The following RAPGEF6 variants were observed in gnomAD, a reference collection of about 807,000 sequenced individuals.
RAPGEF6 encodes the protein Rap guanine nucleotide exchange factor 6.
In RAPGEF6, 56 loss-of-function variants were observed where a neutral mutation model predicts 171.4. That is an observed-to-expected ratio of 0.33 (90% confidence interval 0.26 to 0.41). RAPGEF6 has a LOEUF of 0.41. Among genes scored for constraint, RAPGEF6 ranks in the 10% least tolerant of loss-of-function variants. The pLI is 1.00. For missense variants in RAPGEF6, 1,674 were observed against 1,921.4 expected, an observed-to-expected ratio of 0.87 and a Z score of 2.41; for synonymous variants, 692 against 650.1, an observed-to-expected ratio of 1.06 and a Z score of -0.98.
intron 24 of RAPGEF6, 76 bp downstream of exon 24, chr5:131,439,505 T>A (rs1164486902): frequency 6.7e-7 from 1 of 1,485,344 alleles, no homozygotes; most frequent in Non-Finnish European, 8.9e-7. Context: ...ATTATTGCTA[T>A]AGATTGAAAA....
intron 22 of RAPGEF6, 100 bp from the exon 23 acceptor site, chr5:131,442,637 C>T: frequency 6.8e-7 from 1 of 1,468,886 alleles, no homozygotes; most frequent in Non-Finnish European, 9.0e-7. Flanking sequence ...CTATTTTTAG[C>T]ACAAAAGATA....
intron 1 of RAPGEF6, among the ~76,000 whole-genome samples, chr5:131,614,277 G>C (rs1182684572): frequency 1.9e-3 from 54 of 28,994 alleles, no homozygotes; most frequent in Non-Finnish European, 2.9e-3. Flanking sequence ...GCAAGACTCT[G>C]TCTCAAAAAA....
intron 6 of RAPGEF6, among the ~76,000 whole-genome samples, chr5:131,524,610 GAGAGAGAGA>G (rs1758749721): frequency 4.2e-4 from 1 of 2,360 alleles, no homozygotes; most frequent in Admixed American, 2.7e-3. Flanking sequence ...GAGAGAGATT[GAGAGAGAGA>G]GAGAGAGAGA....
At chr5:131,527,198 CAG>C (rs1053250905) in intron 6 of RAPGEF6, among the ~76,000 whole-genome samples, 1 of 152,174 alleles carries the variant, frequency 6.6e-6, no homozygotes, top group African/African-American at 2.4e-5. Context: ...CCTTAGTATA[CAG>C]AGACTCAGAT....
intron 24 of RAPGEF6, chr5:131,436,077 CT>C (rs1751989692): frequency 6.5e-7 from 1 of 1,537,806 alleles, no homozygotes; most frequent in African/African-American, 1.4e-5. Context: ...TTCCAACATC[CT>C]TCACTTTCTC....
chr5:131,535,201 T>C (rs571123799), intron 6 of RAPGEF6, among the ~76,000 whole-genome samples: 3 of 152,240 alleles, frequency 2.0e-5, no homozygotes, highest in Non-Finnish European at 2.9e-5. Flanking sequence ...GGGAACTGTA[T>C]AGTGAACCTA....
At chr5:131,567,781 T>C (rs1250775494) in intron 4 of RAPGEF6, among the ~76,000 whole-genome samples, 2 of 152,228 alleles carry the variant, frequency 1.3e-5, no homozygotes, top group Non-Finnish European at 2.9e-5. Flanking sequence ...GTGGTTCTAT[T>C]ATTGAAAGAC....
chr5:131,587,355 C>T (rs1333627944), intron 4 of RAPGEF6, among the ~76,000 whole-genome samples: 1 of 152,154 alleles, frequency 6.6e-6, no homozygotes, highest in African/African-American at 2.4e-5. Flanking sequence ...GGCCAAAACT[C>T]TTCAGAGATA....
At position 131,426,118 on chromosome 5, in the gene RAPGEF6, GAGAC is replaced by G. The variant is rs1035508444; in HGVS notation, c.*1144_*1147del. The G allele has an allele frequency of 7.2e-5, 11 of 152,162 alleles. No homozygotes were observed. Among genetic ancestry groups the G allele is most frequent in the Non-Finnish European group, 1.3e-4 (9 of 68,014 alleles). 9.4% of individuals were successfully genotyped at this position (152,162 alleles called of 1,614,324 possible). ...TCAAGGGCTAAAAACTGAGAACCAA[GAGAC>G]AATCATTTCTGTAACTCCAGCTCCT... On this transcript the variant is annotated 3_prime_UTR_variant, in exon 28 of 28. Transcript: ENST00000509018.
intron 19 of RAPGEF6, among the ~76,000 whole-genome samples, chr5:131,459,181 T>TGCCA (rs1753728178): frequency 6.6e-6 from 1 of 152,138 alleles, no homozygotes. Context: ...TGTGTTAGAT[T>TGCCA]TCAGTACATA....
chr5:131,538,834 T>G (rs180909312), intron 6 of RAPGEF6, among the ~76,000 whole-genome samples: 1 of 152,334 alleles, frequency 6.6e-6, no homozygotes, highest in East Asian at 1.9e-4. Flanking sequence ...CTAGTTTTAG[T>G]TGTATCACTT....
At position 131,606,029 on chromosome 5, in the gene RAPGEF6, CAAAAAAAAAAAAA is replaced by C. The variant is rs1168486376; in HGVS notation, c.70-1349_70-1337del. On this transcript the variant is annotated intron_variant, in intron 1 of 27. Transcript: ENST00000509018. Reference sequence around the variant, plus strand: ...TGGGTGACAGAGTGAGACTCCATCTCAAAAAAAAAAAAAAAAAAAAAAAAGAAAAAGAAAAGAA... The same window carrying C: ...TGGGTGACAGAGTGAGACTCCATCTCAAAAAAAAAAAGAAAAAGAAAAGAA... Among the ~76,000 whole-genome samples the C allele has an allele frequency of 2.6e-3, 184 of 70,566 alleles. 1 individual carries two copies. The highest frequency in any genetic ancestry group is 4.0e-3 in the East Asian group (5 of 1,238). The allele number at this position is 70,566 out of a possible 152,430, so 46.3% of individuals were successfully genotyped here. A position where few individuals can be genotyped will look rare whatever the true frequency, so the allele number is the denominator to read the frequency against.
intron 7 of RAPGEF6, among the ~76,000 whole-genome samples, chr5:131,519,413 C>T (rs1758324662): frequency 1.3e-5 from 2 of 152,008 alleles, no homozygotes; most frequent in Non-Finnish European, 2.9e-5. Flanking sequence ...GTCTTTTCTT[C>T]TTTTTTGAGA....
At chr5:131,549,327 A>C (rs182662534) in intron 5 of RAPGEF6, among the ~76,000 whole-genome samples, 13 of 152,198 alleles carry the variant, frequency 8.5e-5, no homozygotes, top group Non-Finnish European at 1.3e-4. Flanking sequence ...AGAGTTCTTG[A>C]TATTACCAAA....
intron 4 of RAPGEF6, among the ~76,000 whole-genome samples, chr5:131,588,742 T>TA (rs1763413525): frequency 6.6e-6 from 1 of 150,632 alleles, no homozygotes; most frequent in South Asian, 2.1e-4. Flanking sequence ...GACTCCGTCT[T>TA]AAAAAACAAC....
chr5:131,607,399 C>T (rs1483893072), intron 1 of RAPGEF6, among the ~76,000 whole-genome samples: 1 of 152,176 alleles, frequency 6.6e-6, no homozygotes, highest in Non-Finnish European at 1.5e-5. Flanking sequence ...CAGTCTCAGC[C>T]ATAATATTGC....
At chr5:131,439,813 G>A (rs1476000774) in intron 23 of RAPGEF6, 98 bp from the exon 24 acceptor site, 3 of 1,491,072 alleles carry the variant, frequency 2.0e-6, no homozygotes, top group Admixed American at 4.4e-5. Context: ...GATGCACAAT[G>A]GCTAGTGTAG....
At position 131,439,163 on chromosome 5, in the gene RAPGEF6, C is replaced by T. The variant is rs139622765; in HGVS notation, c.3745+418G>A. 4.2e-3 allele frequency among the ~76,000 whole-genome samples: 645 copies of T among 152,266 alleles called. 7 individuals carry two copies. Among genetic ancestry groups the T allele is most frequent in the African/African-American group, 0.015 (609 of 41,554 alleles). ...AACTCCTGGGCTCAAGTGATCCACC[C>T]GCCTCAGCTTCCCAAAATGCTGGTA... On this transcript the variant is annotated intron_variant, in intron 24 of 27. Transcript: ENST00000509018.
In RAPGEF6 at chr5:131,510,317, T is replaced by C. The variant is rs1403185378; in HGVS notation, c.802A>G (p.Ile268Val). The C allele has an allele frequency of 6.8e-6, 11 of 1,611,480 alleles. No individual in the cohort carries two copies. The highest frequency in any genetic ancestry group is 1.3e-5 in the African/African-American group (1 of 74,834). ...KEPADKTDDD[I>V]EQLLEFMHQL... Reference sequence around the variant, plus strand: ...TGTGAACACATATATTTCTTACCAATGTCATCATCAGTTTTGTCTGCAGGT... The same window carrying C: ...TGTGAACACATATATTTCTTACCAACGTCATCATCAGTTTTGTCTGCAGGT... Residue 268 changes from isoleucine (I) to valine (V), a missense_variant, in exon 8 of 28, where the codon ATT becomes GTT. By Grantham distance (29) the Ile-to-Val change is conservative. Coordinates refer to ENST00000509018, the MANE Select transcript of RAPGEF6 (RefSeq NM_016340.6).
Sources: allele counts gnomAD v4.1 joint callset (sites outside exome capture counted in the v4.1 genomes callset), GRCh38; gene constraint gnomAD v4.1.1; transcripts MANE v1.5; gene names NCBI Gene and HGNC (gene_info 2026-07-23, HGNC 2026-07-21).